The following DOP1A variants were observed in gnomAD, a reference collection of about 807,000 sequenced individuals.
The protein encoded by DOP1A is protein DOP1A.
DOP1A carries 90 observed loss-of-function variants against 267.6 expected under a neutral mutation model. The ratio of observed to expected loss-of-function variants is 0.34; its 90% confidence interval spans 0.28 to 0.40. The LOEUF (loss-of-function observed/expected upper bound fraction) is 0.40, where lower values mean the gene tolerates loss of function less well. DOP1A is among the 10% of genes least tolerant of loss of function. The pLI is 1.00. For missense variants in DOP1A, 2,437 were observed against 2,900.4 expected (o/e 0.84, Z 3.67); for synonymous variants, 932 against 999.1 (o/e 0.93, Z 1.27).
rs9444034 is a variant in DOP1A, at chr6:83,097,302, G to A, written c.138+187G>A. Among the ~76,000 whole-genome samples the A allele has an allele frequency of 3.9e-3, 597 of 152,236 alleles. 8 individuals carry two copies. Among genetic ancestry groups the A allele is most frequent in the African/African-American group, 0.014 (568 of 41,534 alleles). ...AGTCAAGCATATTAAGGCTTTGGAA[G>A]TTTTAATTCAAAGAAATAACAATGC... On this transcript the variant is annotated intron_variant, in intron 3 of 38. Coordinates refer to ENST00000349129, the MANE Select transcript of DOP1A (RefSeq NM_015018.4).
At chr6:83,073,059 A>G in intron 1 of DOP1A, 1 of 247,104 alleles carries the variant, frequency 4.0e-6, no homozygotes, top group African/African-American at 2.3e-5. Context: ...CAGCATTACC[A>G]CCAAGTAGCA....
chr6:83,122,020 C>T lies in DOP1A; in HGVS notation c.1190C>T (p.Pro397Leu), dbSNP rs754732456. The T allele has an allele frequency of 8.1e-5, 130 of 1,610,988 alleles. No homozygotes were observed. The highest frequency in any genetic ancestry group is 1.0e-4 in the Non-Finnish European group (122 of 1,177,990). ...GAGTTGGATCTTCAAACTGAACCAC[C>T]CTTCAGCAAGGATCATGCTCAGTTA... ...KAELDLQTEP[P>L]FSKDHAQLSS... The change falls in exon 11 of 39, where the codon CCC (proline) becomes CTC (leucine). Residue 397 changes from proline (P) to leucine (L), a missense_variant. This residue lies in a region of DOP1A where 498 missense variants were observed against 513.5 expected (regional missense o/e 0.97). Coordinates refer to ENST00000349129, the MANE Select transcript of DOP1A (RefSeq NM_015018.4).
In DOP1A at chr6:83,096,953, G is replaced by A. The variant is rs1328223945; in HGVS notation, c.-25G>A. ...ATGACTTTACATGAGTTTGGAACTG[G>A]TCTCTAGTGGGAAGTTGTGGGAGGA... On this transcript the variant is annotated 5_prime_UTR_variant, in exon 3 of 39. Coordinates refer to ENST00000349129, the MANE Select transcript of DOP1A (RefSeq NM_015018.4). 1.9e-6 allele frequency: 3 copies of A among 1,611,912 alleles called. No homozygotes were observed. In the Admixed American group the frequency reaches 5.0e-5, roughly 27 times the overall value.
chr6:83,141,716 A>G (rs547155224), intron 23 of DOP1A, among the ~76,000 whole-genome samples: 110 of 152,224 alleles, frequency 7.2e-4, no homozygotes, highest in Middle Eastern at 3.4e-3. Flanking sequence ...GCTGATTGGT[A>G]GCCGTCATTT....
At chr6:83,075,155 T>TGTTA (rs1477260367) in intron 1 of DOP1A, among the ~76,000 whole-genome samples, 1 of 152,262 alleles carries the variant, frequency 6.6e-6, no homozygotes, top group Non-Finnish European at 1.5e-5. Flanking sequence ...AGTTAATATA[T>TGTTA]GTTAGCACTT....
At chr6:83,125,253 A>G (rs1776977273) in intron 14 of DOP1A, 58 bp downstream of exon 14, 2 of 1,478,482 alleles carry the variant, frequency 1.4e-6, no homozygotes, top group African/African-American at 1.4e-5. Context: ...GTTATATTAT[A>G]ATTTTAGTAA....
intron 4 of DOP1A, among the ~76,000 whole-genome samples, chr6:83,104,782 G>A (rs1268394367): frequency 6.6e-6 from 1 of 151,970 alleles, no homozygotes; most frequent in Non-Finnish European, 1.5e-5. Context: ...GTAGCATGTA[G>A]GATCTATAGT....
At chr6:83,075,516 T>C (rs764123917) in intron 1 of DOP1A, among the ~76,000 whole-genome samples, 2 of 152,220 alleles carry the variant, frequency 1.3e-5, no homozygotes, top group Admixed American at 6.5e-5. Context: ...GATAAGTAGG[T>C]ACTTGTCAGG....
chr6:83,116,518 A>G (rs1270313353), intron 7 of DOP1A, among the ~76,000 whole-genome samples: 3 of 152,272 alleles, frequency 2.0e-5, no homozygotes, highest in East Asian at 1.9e-4. Flanking sequence ...AATCAAAACA[A>G]TACAATTTCA....
chr6:83,157,453 C>CT, intron 35 of DOP1A, 135 bp downstream of exon 35: 1 of 940,094 alleles, frequency 1.1e-6, no homozygotes, highest in Non-Finnish European at 1.6e-6. Flanking sequence ...ATGCTTTTTA[C>CT]AGTTGAAAAT....
chr6:83,168,417 T>C lies in DOP1A; in HGVS notation c.*250T>C, dbSNP rs1786374966. On this transcript the variant is annotated 3_prime_UTR_variant, in exon 39 of 39. Transcript: ENST00000349129. ...ATACACATGTAAAGTCCATTGTTTTTATTGTCCTGAGTTGTCTTAAACCTG... is the reference window on the plus strand; with the variant it reads ...ATACACATGTAAAGTCCATTGTTTTCATTGTCCTGAGTTGTCTTAAACCTG... 1 of 1,200,858 alleles carries C rather than the reference T, an allele frequency of 8.3e-7. No homozygotes were observed. 74.4% of individuals were successfully genotyped at this position (1,200,858 alleles called of 1,614,324 possible).
rs868253720 is a variant in DOP1A at position 83,151,535 on chromosome 6, G to T, written c.5838-58G>T. On this transcript the variant is annotated intron_variant, in intron 27 of 38. Coordinates refer to ENST00000349129, the MANE Select transcript of DOP1A (RefSeq NM_015018.4). The stretch of plus-strand genomic sequence containing the variant: ...TTAACTCATCGTGAGAAATTAGATC[G>T]CATTAGTTTCTTTTAGCCTGATATT... 5 of 1,378,418 alleles carry T rather than the reference G, an allele frequency of 3.6e-6. No individual in the cohort carries two copies. The South Asian group carries it at 5.3e-5, about 15-fold the overall frequency. 85.4% of individuals were successfully genotyped at this position (1,378,418 alleles called of 1,614,324 possible).
At chr6:83,097,502 T>C (rs544907894) in intron 3 of DOP1A, among the ~76,000 whole-genome samples, 2 of 152,338 alleles carry the variant, frequency 1.3e-5, no homozygotes, top group South Asian at 4.1e-4. Flanking sequence ...CTGTGTTCTT[T>C]CCAAATGATA....
At chr6:83,159,741 G>T in intron 36 of DOP1A, 55 bp from the exon 37 acceptor site, 1 of 1,597,726 alleles carries the variant, frequency 6.3e-7, no homozygotes, top group Non-Finnish European at 8.6e-7. Flanking sequence ...ATCTTTCCAG[G>T]AATTCCTGTG....
rs564978235 is a variant in DOP1A, at chr6:83,136,195, A to G, written c.3130+317A>G. On this transcript the variant is annotated intron_variant, in intron 20 of 38. Coordinates refer to ENST00000349129, the MANE Select transcript of DOP1A (RefSeq NM_015018.4). ...GCAATTCTGGTCCTACAGGCTCTGT[A>G]GATACTTCATTGGGAATTTATAGTA... Among the ~76,000 whole-genome samples the G allele has an allele frequency of 2.0e-5, 3 of 152,278 alleles. No homozygotes were observed. The South Asian group carries it at 6.2e-4, about 32-fold the overall frequency.
intron 1 of DOP1A, among the ~76,000 whole-genome samples, chr6:83,089,367 A>T (rs2128087193): frequency 6.6e-6 from 1 of 152,344 alleles, no homozygotes; most frequent in African/African-American, 2.4e-5. Context: ...TAATTTTTTC[A>T]TAGGGCATAA....
intron 1 of DOP1A, among the ~76,000 whole-genome samples, chr6:83,085,244 G>C (rs1255343729): frequency 6.6e-6 from 1 of 152,138 alleles, no homozygotes; most frequent in African/African-American, 2.4e-5. Flanking sequence ...TATATTTGAG[G>C]CCCTACTGTT....
Position 83,128,955 on chromosome 6 carries a change from A to G in DOP1A, c.1788A>G (p.Arg596=), listed in dbSNP as rs1489157432. 4 of 1,582,582 alleles carry G rather than the reference A, an allele frequency of 2.5e-6. No homozygotes were observed. Among genetic ancestry groups the G allele is most frequent in the East Asian group, 4.5e-5 (2 of 44,436 alleles). The part of the protein sequence containing the change: ...FEDGENPPSS[R]SSESGFTEFI... ...ATGGAGAAAATCCACCAAGTAGTCG[A>G]TCATCAGAGAGTGGATTCACTGAGT... The change falls in exon 16 of 39, where the codon CGA becomes CGG. Residue 596 remains arginine, a synonymous_variant. Coordinates refer to ENST00000349129, the MANE Select transcript of DOP1A (RefSeq NM_015018.4).
chr6:83,080,481 G>GA (rs747150203), intron 1 of DOP1A, among the ~76,000 whole-genome samples: 6 of 152,106 alleles, frequency 3.9e-5, no homozygotes, highest in South Asian at 4.1e-4. Flanking sequence ...TTTGCCAAGA[G>GA]AAAAAACCTG....
Sources: allele counts gnomAD v4.1 joint callset (sites outside exome capture counted in the v4.1 genomes callset), GRCh38; gene constraint gnomAD v4.1.1; regional missense constraint gnomAD v4.1.1; transcripts MANE v1.5; gene names NCBI Gene and HGNC (gene_info 2026-07-23, HGNC 2026-07-21).